The following CENPC variants were observed in gnomAD, a reference collection of about 807,000 sequenced individuals.
CENPC encodes centromere protein C, also known as CENP-C 1.
Under a neutral mutation model 112.1 loss-of-function variants are expected in CENPC, and 63 were observed. The ratio of observed to expected loss-of-function variants is 0.56; its 90% confidence interval spans 0.46 to 0.69. The LOEUF (loss-of-function observed/expected upper bound fraction) is 0.69. Ranked by LOEUF, CENPC falls within the 30% of genes least tolerant of loss-of-function variation. The pLI, the probability that CENPC is intolerant of heterozygous loss-of-function variation, is 0.00. For missense variants in CENPC, 1,000 were observed against 1,103.8 expected, an observed-to-expected ratio of 0.91 and a Z score of 1.33; for synonymous variants, 333 against 367.6, an observed-to-expected ratio of 0.91 and a Z score of 1.08.
intron 5 of CENPC, 49 bp from the exon 6 acceptor site, chr4:67,519,551 A>G: frequency 8.3e-7 from 1 of 1,208,324 alleles, no homozygotes. Context: ...GAATAATAAG[A>G]GAATCAAGCA....
At chr4:67,508,782 A>T (rs778431325) in intron 10 of CENPC, 32 bp downstream of exon 10, 10 of 1,579,670 alleles carry the variant, frequency 6.3e-6, no homozygotes, top group Non-Finnish European at 7.7e-6. Context: ...GAACAACAAA[A>T]GTAACTATAT....
rs577446283 is a variant in CENPC at position 67,511,294 on chromosome 4, T to C, written c.1612+1108A>G. Among the ~76,000 whole-genome samples, 6 of 152,276 alleles carry C rather than the reference T, an allele frequency of 3.9e-5. No homozygotes were observed. The East Asian group carries it at 9.6e-4, about 24-fold the overall frequency. On this transcript the variant is annotated intron_variant, in intron 9 of 18. Coordinates refer to ENST00000273853, the MANE Select transcript of CENPC (RefSeq NM_001812.4). The stretch of plus-strand genomic sequence containing the variant: ...AGAATCTCAATGATTTAATAATTCA[T>C]AGCAATAAGGCCTCACATATACAAT...
chr4:67,513,776 T>C (rs910738692), intron 8 of CENPC, among the ~76,000 whole-genome samples: 5 of 152,188 alleles, frequency 3.3e-5, no homozygotes, highest in African/African-American at 1.2e-4. Context: ...AACATTTTTA[T>C]TTTCTAAATA....
At chr4:67,542,967 G>T (rs560875472) in intron 2 of CENPC, among the ~76,000 whole-genome samples, 4 of 152,116 alleles carry the variant, frequency 2.6e-5, no homozygotes, top group South Asian at 2.1e-4. Flanking sequence ...TATCAAATTC[G>T]TCTTTTCTTC....
chr4:67,518,656 C>A (rs1726130342), intron 6 of CENPC, among the ~76,000 whole-genome samples: 1 of 152,094 alleles, frequency 6.6e-6, no homozygotes, highest in Non-Finnish European at 1.5e-5. Context: ...AATCTTAGAG[C>A]ACTGTGACAG....
intron 7 of CENPC, among the ~76,000 whole-genome samples, chr4:67,516,200 TAGTC>T (rs779001286): frequency 6.6e-6 from 1 of 152,022 alleles, no homozygotes; most frequent in Non-Finnish European, 1.5e-5. Context: ...CTCCTCCAAT[TAGTC>T]AGGAAACTTT....
intron 9 of CENPC, among the ~76,000 whole-genome samples, chr4:67,511,214 T>C (rs1334585442): frequency 6.6e-6 from 1 of 152,112 alleles, no homozygotes; most frequent in Non-Finnish European, 1.5e-5. Flanking sequence ...TGAACTCAGA[T>C]CTCACTCCAA....
chr4:67,540,372 T>C (rs748587996), intron 3 of CENPC, among the ~76,000 whole-genome samples: 3 of 152,164 alleles, frequency 2.0e-5, no homozygotes, highest in Non-Finnish European at 2.9e-5. Flanking sequence ...TCTATTTTCA[T>C]TATATATTTT....
intron 17 of CENPC, among the ~76,000 whole-genome samples, chr4:67,488,645 T>G (rs1168414788): frequency 9.2e-5 from 14 of 152,032 alleles, no homozygotes; most frequent in Admixed American, 3.9e-4. Context: ...ATAAAGGCAT[T>G]ACAGTTTAAT....
chr4:67,482,859 G>A (rs1419459361), intron 17 of CENPC, among the ~76,000 whole-genome samples: 3 of 152,070 alleles, frequency 2.0e-5, no homozygotes, highest in Non-Finnish European at 2.9e-5. Context: ...ATAATCTCTT[G>A]TAATATGGTT....
In CENPC at chr4:67,545,324, G is replaced by A. The variant is rs1380810501; in HGVS notation, c.18+14C>T. ...CGCTCAACCACTCGCCTGGAGCGGGGGGCCTGCACTTACCAGACCGGACGC... is the reference window on the plus strand; with the variant it reads ...CGCTCAACCACTCGCCTGGAGCGGGAGGCCTGCACTTACCAGACCGGACGC... On this transcript the variant is annotated intron_variant, in intron 1 of 18. Coordinates refer to ENST00000273853, the MANE Select transcript of CENPC (RefSeq NM_001812.4). 6 of 1,475,556 alleles carry A rather than the reference G, an allele frequency of 4.1e-6. No individual in the cohort carries two copies. Among genetic ancestry groups the A allele is most frequent in the Non-Finnish European group, 5.4e-6 (6 of 1,105,452 alleles). 91.4% of individuals were successfully genotyped at this position (1,475,556 alleles called of 1,614,324 possible). A position where few individuals can be genotyped will look rare whatever the true frequency, so the allele number is the denominator to read the frequency against.
At chr4:67,497,642 C>A (rs1219916478) in intron 12 of CENPC, among the ~76,000 whole-genome samples, 1 of 152,102 alleles carries the variant, frequency 6.6e-6, no homozygotes, top group Non-Finnish European at 1.5e-5. Context: ...AAATGATCCT[C>A]CCGCCTCAGC....
At chr4:67,473,410 A>G (rs1416848075) in intron 18 of CENPC, among the ~76,000 whole-genome samples, 1 of 152,202 alleles carries the variant, frequency 6.6e-6, no homozygotes, top group Non-Finnish European at 1.5e-5. Flanking sequence ...AACAGTGCTG[A>G]CATACTAAGG....
chr4:67,540,838 T>C (rs995539463), intron 3 of CENPC, 142 bp downstream of exon 3: 1 of 659,538 alleles, frequency 1.5e-6, no homozygotes, highest in Non-Finnish European at 2.7e-6. Flanking sequence ...AAGGATTGCA[T>C]ATGAACTCAA....
chr4:67,498,528 C>A (rs952015419), intron 12 of CENPC, among the ~76,000 whole-genome samples: 4 of 152,196 alleles, frequency 2.6e-5, no homozygotes, highest in African/African-American at 9.7e-5. Flanking sequence ...TATCCTAAAT[C>A]CTTTTTTGTC....
At chr4:67,500,815 G>A (rs1725572245) in intron 12 of CENPC, among the ~76,000 whole-genome samples, 1 of 152,138 alleles carries the variant, frequency 6.6e-6, no homozygotes, top group Non-Finnish European at 1.5e-5. Flanking sequence ...AAATAATGTG[G>A]TACCATCATT....
chr4:67,545,326 G>C lies in CENPC; in HGVS notation c.18+12C>G. The C allele has an allele frequency of 6.6e-7, 1 of 1,503,878 alleles. No homozygotes were observed. The highest frequency in any genetic ancestry group is 8.9e-7 in the Non-Finnish European group (1 of 1,121,356). 93.2% of individuals were successfully genotyped at this position (1,503,878 alleles called of 1,614,324 possible). ...CTCAACCACTCGCCTGGAGCGGGGGGCCTGCACTTACCAGACCGGACGCAG... is the reference window on the plus strand; with the variant it reads ...CTCAACCACTCGCCTGGAGCGGGGGCCCTGCACTTACCAGACCGGACGCAG... On this transcript the variant is annotated intron_variant, in intron 1 of 18. Transcript: ENST00000273853.
intron 6 of CENPC, 91 bp from the exon 7 acceptor site, chr4:67,518,459 A>G (rs1010397044): frequency 7.0e-6 from 9 of 1,285,708 alleles, no homozygotes; most frequent in Non-Finnish European, 8.9e-6. Flanking sequence ...GACAATACAG[A>G]CCAATTTAAA....
At chr4:67,539,035 T>C (rs901246307) in intron 4 of CENPC, among the ~76,000 whole-genome samples, 2 of 152,078 alleles carry the variant, frequency 1.3e-5, no homozygotes, top group Non-Finnish European at 2.9e-5. Flanking sequence ...TGTAAGAACA[T>C]TTTTCAAAAA....
Sources: gnomAD v4.1 joint callset for allele counts (sites outside exome capture counted in the v4.1 genomes callset) on GRCh38, gnomAD v4.1.1 for gene constraint, MANE v1.5 for transcripts, NCBI Gene and HGNC (gene_info 2026-07-23, HGNC 2026-07-21) for gene names.